RARA: variants seen among roughly 807,000 people sequenced by gnomAD.
RARA encodes PML-DDX5-RARA fusion.
Under a neutral mutation model 42.8 loss-of-function variants are expected in RARA, and 5 were observed. That is an observed-to-expected ratio of 0.12 (90% CI 0.06 to 0.25). The LOEUF is 0.25. Among genes scored for constraint, RARA ranks in the 10% least tolerant of loss-of-function variants. The pLI is 1.00. For synonymous variants in RARA, 256 were observed against 259.5 expected, an observed-to-expected ratio of 0.99 and a Z score of 0.13; for missense variants, 402 against 628.7, an observed-to-expected ratio of 0.64 and a Z score of 3.86.
At chr17:40,338,663 C>T (rs1023380229) in intron 2 of RARA, among the ~76,000 whole-genome samples, 4 of 143,782 alleles carry the variant, frequency 2.8e-5, no homozygotes, top group East Asian at 4.1e-4. Context: ...GCCGAGATCG[C>T]GCCATTGCAC....
At chr17:40,323,867 G>A (rs1360791020) in intron 1 of RARA, among the ~76,000 whole-genome samples, 1 of 151,580 alleles carries the variant, frequency 6.6e-6, no homozygotes, top group Non-Finnish European at 1.5e-5. Context: ...TCCCTGCAGC[G>A]TGGGTCCCCA....
intron 6 of RARA, among the ~76,000 whole-genome samples, chr17:40,353,282 G>T (rs560473437): frequency 1.4e-4 from 21 of 152,028 alleles, no homozygotes; most frequent in Non-Finnish European, 2.5e-4. Flanking sequence ...TGGGCTGGAG[G>T]CTGGATGCAG....
intron 2 of RARA, among the ~76,000 whole-genome samples, chr17:40,333,453 A>T (rs923828210): frequency 6.6e-6 from 1 of 151,330 alleles, no homozygotes; most frequent in Non-Finnish European, 1.5e-5. Context: ...CTCATGCCTC[A>T]TCCCGAGTAG....
In RARA at chr17:40,315,146, A is replaced by G. The variant is rs868499347; in HGVS notation, c.-363+5860A>G. ...TGCTTATATGTGTATATATATATATATATATATATATATATATATATATAT... is the reference window on the plus strand; with the variant it reads ...TGCTTATATGTGTATATATATATATGTATATATATATATATATATATATAT... On this transcript the variant is annotated intron_variant, in intron 1 of 8. Transcript: ENST00000254066. 1.7e-3 allele frequency among the ~76,000 whole-genome samples: 204 copies of G among 123,568 alleles called. 4 individuals are homozygous for G. The highest frequency in any genetic ancestry group is 6.2e-3 in the African/African-American group (185 of 29,870). The allele number at this position is 123,568 out of a possible 152,430, so 81.1% of individuals were successfully genotyped here.
chr17:40,322,264 A>AGGCAGGGGAGAAGTGGCAGGGAAGAGGT (rs1302984124), intron 1 of RARA, among the ~76,000 whole-genome samples: 2 of 151,796 alleles, frequency 1.3e-5, no homozygotes, highest in Non-Finnish European at 2.9e-5. Flanking sequence ...CAAGCACAAA[A>AGGCAGGGGAGAAGTGGCAGGGAAGAGGT]GGCAGGGGAG....
At chr17:40,349,679 G>C in intron 3 of RARA, 105 bp from the exon 4 acceptor site, 2 of 1,449,216 alleles carry the variant, frequency 1.4e-6, no homozygotes, top group Admixed American at 3.7e-5. Flanking sequence ...GCAAACGCTT[G>C]GGGGCAGCAG....
At chr17:40,353,717 A>C (rs1271029714) in intron 6 of RARA, among the ~76,000 whole-genome samples, 1 of 152,150 alleles carries the variant, frequency 6.6e-6, no homozygotes, top group Non-Finnish European at 1.5e-5. Flanking sequence ...GAGCCGGCAG[A>C]CTGTCATTTC....
At chr17:40,324,528 C>T (rs1308034172) in intron 1 of RARA, among the ~76,000 whole-genome samples, 2 of 152,026 alleles carry the variant, frequency 1.3e-5, no homozygotes, top group African/African-American at 2.4e-5. Context: ...ACCCCCACTT[C>T]CTCCTCCTAG....
rs114751958 is a variant in RARA at position 40,310,317 on chromosome 17, T to G, written c.-363+1031T>G. Among the ~76,000 whole-genome samples the G allele has an allele frequency of 6.5e-3, 989 of 151,596 alleles. 15 individuals carry two copies. Among genetic ancestry groups the G allele is most frequent in the African/African-American group, 0.023 (949 of 41,244 alleles). ...TCTAGGGCGTGTCATTCTGGTTTGG[T>G]GGGTTTACAGGAAGGGTGTACACCT... On this transcript the variant is annotated intron_variant, in intron 1 of 8. Transcript: ENST00000254066.
At chr17:40,350,081 C>A in intron 4 of RARA, 156 bp downstream of exon 4, 1 of 1,172,686 alleles carries the variant, frequency 8.5e-7, no homozygotes, top group Non-Finnish European at 1.2e-6. Context: ...TTGTGTGTAG[C>A]TGCAAGGACC....
intron 2 of RARA, chr17:40,341,274 G>C: frequency 7.4e-7 from 1 of 1,347,774 alleles, no homozygotes; most frequent in Non-Finnish European, 9.7e-7. Context: ...AGACACCTTG[G>C]GCGGGGCTTT....
intron 1 of RARA, among the ~76,000 whole-genome samples, chr17:40,330,055 G>A (rs999132422): frequency 2.0e-5 from 3 of 151,454 alleles, no homozygotes; most frequent in African/African-American, 4.9e-5. Flanking sequence ...AACAGGGTGT[G>A]GATCTGTATT....
chr17:40,336,053 A>C (rs188371287), intron 2 of RARA, among the ~76,000 whole-genome samples: 1 of 152,294 alleles, frequency 6.6e-6, no homozygotes, highest in East Asian at 1.9e-4. Flanking sequence ...ACTTGCTGAT[A>C]ACCTCTCTGA....
chr17:40,343,064 GTTAGA>G, intron 2 of RARA: 1 of 1,125,560 alleles, frequency 8.9e-7, no homozygotes, highest in Non-Finnish European at 1.2e-6. Context: ...TGCAATTTGT[GTTAGA>G]TTAGGGCTGA....
chr17:40,312,893 A>G (rs2033124446), intron 1 of RARA, among the ~76,000 whole-genome samples: 1 of 152,170 alleles, frequency 6.6e-6, no homozygotes, highest in Non-Finnish European at 1.5e-5. Flanking sequence ...TTCTGTTGTC[A>G]TGGTTCCTCA....
rs562392624 is a variant in RARA at position 40,332,182 on chromosome 17, G to A, written c.178+786G>A. ...TGGCCAGCTGGCAGAGTCCAGGGCT[G>A]GGGCCTGCCAGGCCGCTTACAGTAA... On this transcript the variant is annotated intron_variant, in intron 2 of 8. Transcript: ENST00000254066. Among the ~76,000 whole-genome samples, 24 of 152,290 alleles carry A rather than the reference G, an allele frequency of 1.6e-4. No homozygotes were observed. In the South Asian group the frequency reaches 5.0e-3, roughly 32 times the overall value.
chr17:40,350,998 G>A (rs143915804), intron 4 of RARA, among the ~76,000 whole-genome samples: 2,995 of 150,036 alleles, frequency 0.02, 93 homozygotes, highest in Non-Finnish European at 0.02. Flanking sequence ...CCCTCCCACC[G>A]CCAACTCCCC....
At chr17:40,337,699 G>T (rs1374067234) in intron 2 of RARA, among the ~76,000 whole-genome samples, 1 of 152,286 alleles carries the variant, frequency 6.6e-6, no homozygotes, top group African/African-American at 2.4e-5. Context: ...AGCCCCAAAA[G>T]GGTGGCTGCA....
At position 40,356,684 on chromosome 17, in the gene RARA, C is replaced by T; in HGVS notation, c.*458C>T. The T allele has an allele frequency of 5.6e-6, 3 of 539,072 alleles. No homozygotes were observed. Among genetic ancestry groups the T allele is most frequent in the South Asian group, 3.1e-5 (2 of 64,392 alleles). 33.4% of individuals were successfully genotyped at this position (539,072 alleles called of 1,614,324 possible). ...GGGGGTGGGACAGGGGCGGGGGGTT[C>T]CCCCTGTACATACCCTGCCATACCA... is the stretch of plus-strand genomic sequence containing the variant. On this transcript the variant is annotated 3_prime_UTR_variant, in exon 9 of 9. Coordinates refer to ENST00000254066, the MANE Select transcript of RARA (RefSeq NM_000964.4).
Sources: allele counts gnomAD v4.1 joint callset (sites outside exome capture counted in the v4.1 genomes callset), GRCh38; gene constraint gnomAD v4.1.1; transcripts MANE v1.5; gene names NCBI Gene and HGNC (gene_info 2026-07-23, HGNC 2026-07-21).